The following LOXL2 variants were observed in gnomAD, a reference collection of about 807,000 sequenced individuals.
LOXL2 encodes the protein lysyl oxidase homolog 2.
In LOXL2, 70 loss-of-function variants were observed where a neutral mutation model predicts 93.0. That is an observed-to-expected ratio of 0.75 (90% CI 0.62 to 0.92). The LOEUF is 0.92. Ranked by LOEUF, LOXL2 falls within the 40% of genes least tolerant of loss-of-function variation. The pLI, the probability that LOXL2 is intolerant of heterozygous loss-of-function variation, is 0.00. For synonymous variants in LOXL2, 438 were observed against 413.2 expected (o/e 1.06, Z -0.73); for missense variants, 973 against 1,054.9 (o/e 0.92, Z 1.08).
At chr8:23,378,629 T>C (rs2117223413) in intron 1 of LOXL2, among the ~76,000 whole-genome samples, 1 of 152,306 alleles carries the variant, frequency 6.6e-6, no homozygotes, top group South Asian at 2.1e-4. Context: ...CTTGGAGGCT[T>C]TGTTCGTTTC....
chr8:23,337,148 A>G (rs1007249156), intron 4 of LOXL2: 3 of 152,246 alleles, frequency 2.0e-5, no homozygotes, highest in African/African-American at 7.2e-5. Context: ...TCAACCAGCC[A>G]ACACCACAGG....
chr8:23,348,472 G>A (rs1379287338), intron 3 of LOXL2, among the ~76,000 whole-genome samples: 1 of 152,170 alleles, frequency 6.6e-6, no homozygotes, highest in Admixed American at 6.5e-5. Context: ...GGAGGCTGAG[G>A]TGGGAGAATC....
intron 1 of LOXL2, among the ~76,000 whole-genome samples, chr8:23,393,826 G>A (rs1800051976): frequency 6.6e-6 from 1 of 152,202 alleles, no homozygotes; most frequent in African/African-American, 2.4e-5. Context: ...TTATTCTACT[G>A]TTTTGTCATT....
At chr8:23,302,817 G>C (rs1274575631) in intron 11 of LOXL2, among the ~76,000 whole-genome samples, 1 of 152,098 alleles carries the variant, frequency 6.6e-6, no homozygotes, top group Admixed American at 6.5e-5. Flanking sequence ...TGACCTACCA[G>C]AAGTGTGAGC....
Position 23,309,772 on chromosome 8 carries a change from G to A in LOXL2, c.1776C>T (p.Gly592=). The change falls in exon 10 of 14, where the codon GGC becomes GGT. Residue 592 remains glycine (G), a synonymous_variant. Coordinates refer to ENST00000389131, the MANE Select transcript of LOXL2 (RefSeq NM_002318.3). ...ASAAQTDPTT[G]YRRLLRFSSQ... is the part of the protein sequence containing the mutation. ...AGGAGAAGCGCAGGAGCCGGCGGTAGCCCGTGGTGGGGTCGGTCTGCGCGG... is the reference window on the plus strand; with the variant it reads ...AGGAGAAGCGCAGGAGCCGGCGGTAACCCGTGGTGGGGTCGGTCTGCGCGG... 6.2e-7 allele frequency: 1 copy of A among 1,604,246 alleles called. No individual in the cohort carries two copies. The highest frequency in any genetic ancestry group is 8.5e-7 in the Non-Finnish European group (1 of 1,175,690).
At chr8:23,301,384 C>G (rs1224392483) in intron 12 of LOXL2, among the ~76,000 whole-genome samples, 1 of 152,202 alleles carries the variant, frequency 6.6e-6, no homozygotes, top group South Asian at 2.1e-4. Flanking sequence ...CCTTGTTCCT[C>G]CTCAGGGCTG....
chr8:23,383,960 C>T (rs1456904071), intron 1 of LOXL2, among the ~76,000 whole-genome samples: 3 of 152,108 alleles, frequency 2.0e-5, no homozygotes, highest in African/African-American at 4.8e-5. Context: ...GTGCCCGGCC[C>T]GATGTGAATT....
intron 1 of LOXL2, among the ~76,000 whole-genome samples, chr8:23,376,148 A>C (rs896930650): frequency 1.3e-5 from 2 of 152,212 alleles, no homozygotes; most frequent in African/African-American, 4.8e-5. Flanking sequence ...TTTAGCATGA[A>C]GGGCTGTTGA....
chr8:23,360,326 G>T, intron 2 of LOXL2, 61 bp from the exon 3 acceptor site: 1 of 1,312,654 alleles, frequency 7.6e-7, no homozygotes, highest in East Asian at 2.5e-5. Context: ...GAGTCTTTGC[G>T]GGGCACCAGT....
chr8:23,351,442 T>C (rs1416000888), intron 3 of LOXL2, among the ~76,000 whole-genome samples: 1 of 152,206 alleles, frequency 6.6e-6, no homozygotes, highest in Non-Finnish European at 1.5e-5. Flanking sequence ...TTCACCTCTC[T>C]CTTCTCCAAA....
At chr8:23,305,018 C>A (rs536373838) in intron 10 of LOXL2, among the ~76,000 whole-genome samples, 22 of 152,238 alleles carry the variant, frequency 1.4e-4, no homozygotes, top group African/African-American at 5.3e-4. Context: ...GGTAAAATGA[C>A]GCTAAGCCCG....
At chr8:23,394,448 T>C (rs1339882869) in intron 1 of LOXL2, among the ~76,000 whole-genome samples, 2 of 144,684 alleles carry the variant, frequency 1.4e-5, no homozygotes, top group Admixed American at 1.4e-4. Context: ...GGGCAAAAAC[T>C]TAAATAGACA....
chr8:23,380,071 A>T (rs113140812), intron 1 of LOXL2, among the ~76,000 whole-genome samples: 7,050 of 152,234 alleles, frequency 0.046, 518 homozygotes, highest in African/African-American at 0.16. Flanking sequence ...CTATTTGGCC[A>T]TCTTGGAATT....
At chr8:23,379,700 C>T (rs1029663349) in intron 1 of LOXL2, among the ~76,000 whole-genome samples, 1 of 152,274 alleles carries the variant, frequency 6.6e-6, no homozygotes, top group East Asian at 1.9e-4. Flanking sequence ...GCTGTGCTAG[C>T]AATGAGTGAG....
intron 3 of LOXL2, chr8:23,341,430 G>T: frequency 1.7e-6 from 1 of 573,032 alleles, no homozygotes; most frequent in South Asian, 2.0e-5. Context: ...ACCCAACAGG[G>T]AGTGGGGTGA....
intron 1 of LOXL2, among the ~76,000 whole-genome samples, chr8:23,390,443 G>A (rs1390911666): frequency 6.6e-6 from 1 of 152,252 alleles, no homozygotes; most frequent in Admixed American, 6.5e-5. Context: ...TGGCCACAAA[G>A]TGGGAATGTT....
intron 9 of LOXL2, among the ~76,000 whole-genome samples, chr8:23,314,586 T>C (rs1803363875): frequency 6.7e-6 from 1 of 149,704 alleles, no homozygotes; most frequent in African/African-American, 2.5e-5. Flanking sequence ...AGGTGGGAAC[T>C]GAACAATGAG....
chr8:23,332,499 T>A (rs1293760207), intron 5 of LOXL2, among the ~76,000 whole-genome samples: 2 of 33,194 alleles, frequency 6.0e-5, no homozygotes, highest in African/African-American at 2.7e-4. Flanking sequence ...CCCCCACTCA[T>A]ACACACACAT....
intron 9 of LOXL2, among the ~76,000 whole-genome samples, chr8:23,311,363 G>A (rs375300703): frequency 3.3e-5 from 5 of 152,336 alleles, no homozygotes; most frequent in Middle Eastern, 3.4e-3. Flanking sequence ...GGAGGCTCCC[G>A]TTTACTGACA....
Sources: gnomAD v4.1 joint callset for allele counts (sites outside exome capture counted in the v4.1 genomes callset) on GRCh38, gnomAD v4.1.1 for gene constraint, MANE v1.5 for transcripts, NCBI Gene and HGNC (gene_info 2026-07-23, HGNC 2026-07-21) for gene names.